The following HUWE1 variants were observed in gnomAD, a reference collection of about 807,000 sequenced individuals.
HUWE1 encodes E3 ubiquitin-protein ligase HUWE1.
Under a neutral mutation model 299.4 loss-of-function variants are expected in HUWE1, and 18 were observed. The ratio of observed to expected loss-of-function variants is 0.06; its 90% CI spans 0.04 to 0.09. The LOEUF (loss-of-function observed/expected upper bound fraction) is 0.09. Ranked by LOEUF, HUWE1 falls within the 10% of genes least tolerant of loss-of-function variation. The probability of loss-of-function intolerance (pLI) is 1.00; values close to 1 mark genes in which losing one functional copy is unlikely to be tolerated. For synonymous variants in HUWE1, 1,317 were observed against 1,286.1 expected (o/e 1.02, Z -0.51); for missense variants, 1,832 against 3,462.3 (o/e 0.53, Z 11.82).
At chrX:53,675,969 G>A (rs2069800927) in intron 3 of HUWE1, among the ~76,000 whole-genome samples, 2 of 111,285 alleles carry the variant, frequency 1.8e-5, no homozygotes, top group Non-Finnish European at 3.8e-5. Flanking sequence ...GGGTATAAAT[G>A]TGACTCCTAA....
rs200512159 is a variant in HUWE1 at position 53,620,251 on chromosome X, A to AT, written c.1673-2806dup. ...AACAAGGCATCACCTTGGAGCTTCC[A>AT]TTTGTCTTTTTTTTTTTTTTTTGAG... On this transcript the variant is annotated intron_variant, in intron 19 of 83. Coordinates refer to ENST00000262854, the MANE Select transcript of HUWE1 (RefSeq NM_031407.7). Among the ~76,000 whole-genome samples, 23 of 84,334 alleles carry AT rather than the reference A, an allele frequency of 2.7e-4. 1 individual carries two copies. The highest frequency in any genetic ancestry group is 8.3e-4 in the Admixed American group (6 of 7,195). 73.2% of individuals were successfully genotyped at this position (84,334 alleles called of 115,157 possible).
intron 19 of HUWE1, among the ~76,000 whole-genome samples, chrX:53,621,463 C>T (rs984844079): frequency 9.3e-6 from 1 of 107,697 alleles, no homozygotes; most frequent in Non-Finnish European, 1.9e-5. Flanking sequence ...TTCTCAAGTG[C>T]GAGCCTAGGG....
chrX:53,557,509 C>T, intron 59 of HUWE1, 82 bp from the exon 60 acceptor site: 1 of 762,612 alleles, frequency 1.3e-6, no homozygotes, highest in Admixed American at 2.2e-5. Flanking sequence ...CCATCCTCCA[C>T]CCAGACCATC....
In HUWE1 at chrX:53,595,399, G is replaced by A; in HGVS notation, c.3168C>T (p.Ser1056=). The change falls in exon 30 of 84, where the codon TCC becomes TCT. Residue 1056 remains serine, a synonymous_variant. Transcript: ENST00000262854. ...CAGCAAGTGCTCGGCCTAATCTGGA[G>A]GAAGCTGAAACCCAGAAATCAGAAT... ...IKQIKPLLSA[S]SRLGRALAEL... is the part of the protein sequence containing the mutation. 8.3e-7 allele frequency: 1 copy of A among 1,200,816 alleles called. No individual in the cohort carries two copies. The highest frequency in any genetic ancestry group is 1.1e-6 in the Non-Finnish European group (1 of 886,867).
intron 29 of HUWE1, among the ~76,000 whole-genome samples, chrX:53,599,891 G>C (rs1352066408): frequency 2.7e-5 from 3 of 111,932 alleles, no homozygotes; most frequent in Non-Finnish European, 5.6e-5. Flanking sequence ...AATTAAAGAA[G>C]GGAGGGTAGT....
chrX:53,623,479 C>T (rs1264032519), intron 19 of HUWE1, among the ~76,000 whole-genome samples: 5 of 112,191 alleles, frequency 4.5e-5, no homozygotes, highest in Non-Finnish European at 5.6e-5. Flanking sequence ...AGAAGACTTC[C>T]TCAACCTGAC....
chrX:53,603,696 C>G (rs782259765), intron 26 of HUWE1, among the ~76,000 whole-genome samples, 195 bp from the exon 27 acceptor site: 1 of 112,338 alleles, frequency 8.9e-6, no homozygotes, highest in Non-Finnish European at 1.9e-5. Context: ...TATTTACAAA[C>G]TATTTCCACA....
In HUWE1 at chrX:53,538,720, A is replaced by ACTCT. The variant is rs3834703; in HGVS notation, c.11878+114_11878+115insAGAG. ...TGTACACACACACACACACACACAC[A>ACTCT]CACACTCTCTCTCTCTCTCTCTCTC... On this transcript the variant is annotated intron_variant, in intron 76 of 83. Coordinates refer to ENST00000262854, the MANE Select transcript of HUWE1 (RefSeq NM_031407.7). 1.1e-3 allele frequency: 591 copies of ACTCT among 559,728 alleles called. 1 individual carries two copies. The highest frequency in any genetic ancestry group is 7.1e-3 in the East Asian group (140 of 19,647). The allele number at this position is 559,728 out of a possible 1,213,427, so 46.1% of individuals were successfully genotyped here.
intron 73 of HUWE1, chrX:53,542,881 G>C: frequency 1.0e-5 from 2 of 196,187 alleles, no homozygotes; most frequent in Middle Eastern, 1.7e-3. Context: ...GTGTGTGTGT[G>C]TGTGTGTGTG....
At position 53,595,421 on chromosome X, in the gene HUWE1, G is replaced by A; in HGVS notation, c.3164-18C>T. The A allele has an allele frequency of 8.9e-7, 1 of 1,119,454 alleles. No individual in the cohort carries two copies. Among genetic ancestry groups the A allele is most frequent in the Non-Finnish European group, 1.2e-6 (1 of 815,921 alleles). The allele number at this position is 1,119,454 out of a possible 1,213,427, so 92.3% of individuals were successfully genotyped here. On this transcript the variant is annotated intron_variant, in intron 29 of 83. Transcript: ENST00000262854. ...GGAGGAAGCTGAAACCCAGAAATCA[G>A]AATAAGACTGTACAGTATTCTCAGA...
chrX:53,671,355 G>A (rs2069518837), intron 3 of HUWE1, among the ~76,000 whole-genome samples: 1 of 111,626 alleles, frequency 9.0e-6, no homozygotes, highest in South Asian at 3.7e-4. Flanking sequence ...TCTTTCATTC[G>A]ACACTTATTT....
chrX:53,568,751 G>A lies in HUWE1; in HGVS notation c.6648C>T (p.Phe2216=). ...HNGMNNIIRL[F]LKKGLVNDLA... ...GGTCATTAACCAGTCCCTTCTTCAG[G>A]AAAAGCCGAATGATGTTGTTCATGC... Residue 2216 remains phenylalanine (F), a synonymous_variant, in exon 49 of 84, where the codon TTC becomes TTT. Coordinates refer to ENST00000262854, the MANE Select transcript of HUWE1 (RefSeq NM_031407.7). The A allele has an allele frequency of 1.2e-5, 15 of 1,211,054 alleles. No homozygotes were observed. Among genetic ancestry groups the A allele is most frequent in the Non-Finnish European group, 1.3e-5 (12 of 895,058 alleles).
Position 53,551,123 on chromosome X carries a change from G to A in HUWE1, c.9163C>T (p.Pro3055Ser), listed in dbSNP as rs1556928403. ...TGGATGAAGGTCACAGGGTCCATAG[G>A]GGTGTCTGAGCTGGCATTCTGTGCT... ...ELAQNASSDT[P>S]MDPVTFIQTL... The change falls in exon 65 of 84, where the codon CCT becomes TCT. Residue 3055 changes from proline (P) to serine (S), a missense_variant. Pro to Ser is a moderately conservative substitution (Grantham distance 74). Coordinates refer to ENST00000262854, the MANE Select transcript of HUWE1 (RefSeq NM_031407.7). The A allele has an allele frequency of 1.7e-6, 2 of 1,211,751 alleles. No individual in the cohort carries two copies. The highest frequency in any genetic ancestry group is 3.5e-5 in the South Asian group (2 of 56,982).
In HUWE1 at chrX:53,573,734, A is replaced by G; in HGVS notation, c.6312+16T>C. On this transcript the variant is annotated intron_variant, in intron 47 of 83. Coordinates refer to ENST00000262854, the MANE Select transcript of HUWE1 (RefSeq NM_031407.7). ...AAGTACAGTGTAACATCTTAAATAG[A>G]AGTTGGAAATATTACCTCTTTGATC... 8.6e-7 allele frequency: 1 copy of G among 1,160,469 alleles called. No individual in the cohort carries two copies. The highest frequency in any genetic ancestry group is 1.2e-6 in the Non-Finnish European group (1 of 848,616).
chrX:53,591,746 T>G (rs1400940783), intron 33 of HUWE1, among the ~76,000 whole-genome samples: 1 of 112,641 alleles, frequency 8.9e-6, no homozygotes, highest in Admixed American at 9.4e-5. Context: ...TCTTGTGTGA[T>G]AAAATTACGA....
chrX:53,595,107 T>C (rs1285918779), intron 30 of HUWE1, 80 bp downstream of exon 30: 4 of 859,960 alleles, frequency 4.7e-6, no homozygotes, highest in Non-Finnish European at 6.8e-6. Context: ...TGGCTCACAC[T>C]CCATTTTAAG....
intron 42 of HUWE1, among the ~76,000 whole-genome samples, chrX:53,581,815 GC>G (rs1464491791): frequency 9.0e-6 from 1 of 111,414 alleles, no homozygotes; most frequent in Non-Finnish European, 1.9e-5. Context: ...AATTTATCCA[GC>G]CCCCAACTGC....
At chrX:53,533,632 A>C in intron 83 of HUWE1, 1 of 454,155 alleles carries the variant, frequency 2.2e-6, no homozygotes, top group Non-Finnish European at 3.9e-6. Context: ...ACTCCTCCTT[A>C]AACACCCTGG....
At position 53,547,929 on chromosome X, in the gene HUWE1, G is replaced by A. The variant is rs1342967885; in HGVS notation, c.10380C>T (p.Ile3460=). 8.3e-7 allele frequency: 1 copy of A among 1,209,141 alleles called. No homozygotes were observed. Among genetic ancestry groups the A allele is most frequent in the African/African-American group, 1.8e-5 (1 of 56,970 alleles). The change falls in exon 68 of 84, where the codon ATC becomes ATT. Residue 3460 remains isoleucine, a synonymous_variant. Coordinates refer to ENST00000262854, the MANE Select transcript of HUWE1 (RefSeq NM_031407.7). The part of the protein sequence containing the change: ...TEKLLRLLSL[I]SIALPENKVS... Reference sequence around the variant, plus strand: ...CCTTGTTTTCTGGGAGAGCAATTGAGATGAGAGAAAGGAGTCTGAGGAGTT... The same window carrying A: ...CCTTGTTTTCTGGGAGAGCAATTGAAATGAGAGAAAGGAGTCTGAGGAGTT...
Sources: gnomAD v4.1 joint callset for allele counts (sites outside exome capture counted in the v4.1 genomes callset) on GRCh38, gnomAD v4.1.1 for gene constraint, MANE v1.5 for transcripts, NCBI Gene and HGNC (gene_info 2026-07-23, HGNC 2026-07-21) for gene names.